The following EBF3 variants were observed in gnomAD, a reference collection of about 807,000 sequenced individuals.
EBF3 encodes EBF transcription factor 3, also known as transcription factor COE3.
In EBF3, 18 loss-of-function variants were observed where a neutral mutation model predicts 77.1. The ratio of observed to expected loss-of-function variants is 0.23; its 90% CI spans 0.16 to 0.35. The LOEUF is 0.35. EBF3 is among the 10% of genes least tolerant of loss of function. The pLI, the probability that EBF3 is intolerant of heterozygous loss-of-function variation, is 1.00. For synonymous variants in EBF3, 350 were observed against 343.5 expected, an observed-to-expected ratio of 1.02 and a Z score of -0.21; for missense variants, 558 against 860.0, an observed-to-expected ratio of 0.65 and a Z score of 4.39.
In EBF3 at chr10:129,935,920, G is replaced by A. The variant is rs866074178; in HGVS notation, c.554+21338C>T. On this transcript the variant is annotated intron_variant, in intron 6 of 16. Coordinates refer to ENST00000440978, the MANE Select transcript of EBF3 (RefSeq NM_001375380.1). This position sits in a 1 kb window ranked among gnomAD's most constrained non-coding sequence, Gnocchi z 4.2. ...GGCCGGGGAAGGCAGAGCCCAAGCA[G>A]CCCTGGAGCACCAGGGCCCCTCCTC... is the stretch of plus-strand genomic sequence containing the variant. Among the ~76,000 whole-genome samples, 18 of 152,154 alleles carry A rather than the reference G, an allele frequency of 1.2e-4. No individual in the cohort carries two copies. Among genetic ancestry groups the A allele is most frequent in the African/African-American group, 3.9e-4 (16 of 41,514 alleles).
intron 11 of EBF3, among the ~76,000 whole-genome samples, chr10:129,844,376 G>T (rs1206426254): frequency 6.6e-6 from 1 of 152,154 alleles, no homozygotes; most frequent in East Asian, 1.9e-4. Flanking sequence ...GAGCTCTGTG[G>T]TGCCTCACAG....
At chr10:129,872,935 A>C (rs1463436451) in intron 8 of EBF3, among the ~76,000 whole-genome samples, 2 of 146,488 alleles carry the variant, frequency 1.4e-5, no homozygotes, top group Admixed American at 6.8e-5. Flanking sequence ...GCATTTGGTT[A>C]AAAAAAAAAA....
chr10:129,873,987 T>A (rs531104309), intron 7 of EBF3, among the ~76,000 whole-genome samples: 55 of 152,338 alleles, frequency 3.6e-4, no homozygotes, highest in Middle Eastern at 3.4e-3. Context: ...CTAATTAAAA[T>A]GAGTTCACTT....
At chr10:129,886,296 T>C (rs1853580471) in intron 6 of EBF3, among the ~76,000 whole-genome samples, 1 of 152,368 alleles carries the variant, frequency 6.6e-6, no homozygotes, top group East Asian at 1.9e-4. Context: ...TAAAACATTA[T>C]AAATGATTAA....
intron 6 of EBF3, among the ~76,000 whole-genome samples, chr10:129,912,019 C>T (rs116313659): frequency 2.2e-3 from 332 of 152,296 alleles, no homozygotes; most frequent in African/African-American, 7.6e-3. Context: ...CGGGTGTGCA[C>T]GTCCACCTGC....
intron 6 of EBF3, among the ~76,000 whole-genome samples, chr10:129,942,395 G>A (rs1375158926): frequency 6.6e-6 from 1 of 152,166 alleles, no homozygotes; most frequent in East Asian, 1.9e-4. Flanking sequence ...GACGCTGGGG[G>A]AAAGGCCTAC....
At chr10:129,916,696 G>A (rs926796034) in intron 6 of EBF3, among the ~76,000 whole-genome samples, 1 of 152,144 alleles carries the variant, frequency 6.6e-6, no homozygotes, top group Non-Finnish European at 1.5e-5. Flanking sequence ...AAAGCTCAGG[G>A]CCTGGCCACC....
intron 6 of EBF3, among the ~76,000 whole-genome samples, chr10:129,946,130 C>G (rs941196731): frequency 3.9e-5 from 6 of 152,180 alleles, no homozygotes; most frequent in African/African-American, 1.4e-4. Flanking sequence ...AAGACCGTAG[C>G]CGTTTTAAAA....
intron 6 of EBF3, among the ~76,000 whole-genome samples, chr10:129,903,664 G>A (rs1198785181): frequency 6.6e-6 from 1 of 152,178 alleles, no homozygotes; most frequent in Non-Finnish European, 1.5e-5. Flanking sequence ...AATCAGGAGT[G>A]GGGACATATT....
At position 129,860,266 on chromosome 10, in the gene EBF3, GAGA is replaced by G. The variant is rs1411796580; in HGVS notation, c.1039+6872_1039+6874del. Among the ~76,000 whole-genome samples the G allele has an allele frequency of 2.4e-4, 37 of 151,796 alleles. 1 individual carries two copies. Among genetic ancestry groups the G allele is most frequent in the Non-Finnish European group, 7.4e-5 (5 of 67,982 alleles). ...CCCCGACTCTCCTCCCTGCAGCACC[GAGA>G]AGGACCATCGCAAGGTGGGTGAGGA... On this transcript the variant is annotated intron_variant, in intron 10 of 16. Transcript: ENST00000440978.
chr10:129,836,204 G>C lies in EBF3; in HGVS notation c.*1739C>G, dbSNP rs1176512760. 1 of 152,528 alleles carries C rather than the reference G, an allele frequency of 6.6e-6. No individual in the cohort carries two copies. Among genetic ancestry groups the C allele is most frequent in the Non-Finnish European group, 1.5e-5 (1 of 68,004 alleles). 9.4% of individuals were successfully genotyped at this position (152,528 alleles called of 1,614,324 possible). On this transcript the variant is annotated 3_prime_UTR_variant, in exon 17 of 17. Transcript: ENST00000440978. ...TGTAGTGTAAGCCTGTGATAAAATA[G>C]CACAAAGGTTCTTTAAAGAAGTTCA... is the stretch of plus-strand genomic sequence containing the variant.
In EBF3 at chr10:129,840,861, G is replaced by A. The variant is rs1274044204; in HGVS notation, c.1544C>T (p.Ala515Val). 1 of 1,613,622 alleles carries A rather than the reference G, an allele frequency of 6.2e-7. No homozygotes were observed. The change falls in exon 14 of 17, where the codon GCT (alanine) becomes GTT (valine). Residue 515 changes from alanine to valine, a missense_variant. Ala to Val is a moderately conservative substitution (Grantham distance 64). Transcript: ENST00000440978. ...ACACTTACTGCCGTAGGGAGAGTTA[G>A]CGGAGGAGCCATTAAGAAATCCAGG... ...GSPGFLNGSS[A>V]NSPYGIVPSS...
At chr10:129,911,387 T>C (rs1048113640) in intron 6 of EBF3, among the ~76,000 whole-genome samples, 2 of 152,154 alleles carry the variant, frequency 1.3e-5, no homozygotes, top group Admixed American at 6.5e-5. Flanking sequence ...ACAGGCCCTT[T>C]CTCTCTAGAC....
chr10:129,888,837 T>C (rs544135423), intron 6 of EBF3, among the ~76,000 whole-genome samples: 1 of 152,168 alleles, frequency 6.6e-6, no homozygotes, highest in Admixed American at 6.5e-5. Flanking sequence ...CAAGAGAAAA[T>C]TGCTAACCTT....
chr10:129,843,104 G>GC, intron 12 of EBF3, 33 bp downstream of exon 12: 2 of 1,604,834 alleles, frequency 1.2e-6, no homozygotes, highest in Non-Finnish European at 1.7e-6. Flanking sequence ...GCATGGGGGG[G>GC]AGGATGGGCG....
At chr10:129,955,762 TA>T (rs1371855203) in intron 6 of EBF3, among the ~76,000 whole-genome samples, 1 of 152,218 alleles carries the variant, frequency 6.6e-6, no homozygotes, top group Non-Finnish European at 1.5e-5. Context: ...TCACACTTTA[TA>T]AACAAGTCCT....
intron 6 of EBF3, among the ~76,000 whole-genome samples, chr10:129,927,692 C>T (rs1209100142): frequency 6.6e-6 from 1 of 152,192 alleles, no homozygotes; most frequent in Non-Finnish European, 1.5e-5. Flanking sequence ...TTCGGCCCTC[C>T]CTCTGCCCTT....
intron 16 of EBF3, among the ~76,000 whole-genome samples, chr10:129,838,452 G>C (rs560831322): frequency 6.6e-6 from 1 of 152,178 alleles, no homozygotes; most frequent in African/African-American, 2.4e-5. Context: ...TCCAGGTCTG[G>C]GCTCTGACCG....
chr10:129,910,128 G>A (rs978204933), intron 6 of EBF3, among the ~76,000 whole-genome samples: 17 of 152,188 alleles, frequency 1.1e-4, no homozygotes, highest in African/African-American at 3.4e-4. Context: ...GAGCCCACTC[G>A]GACCGCCGGG....
Sources: gnomAD v4.1 joint callset for allele counts (sites outside exome capture counted in the v4.1 genomes callset) on GRCh38, gnomAD v4.1.1 for gene constraint, Gnocchi (gnomAD v3.1) non-coding constraint, MANE v1.5 for transcripts, NCBI Gene and HGNC (gene_info 2026-07-23, HGNC 2026-07-21) for gene names.